Variants in MACROD2 observed in about 807,000 individuals in gnomAD.
MACROD2 encodes ADP-ribose glycohydrolase MACROD2.
MACROD2 carries 36 observed loss-of-function variants against 70.4 expected under a neutral mutation model. The observed-to-expected ratio is 0.51, with a 90% confidence interval of 0.39 to 0.68. The LOEUF is 0.68. Ranked by LOEUF, MACROD2 falls within the 30% of genes least tolerant of loss-of-function variation. The pLI, the probability that MACROD2 is intolerant of heterozygous loss-of-function variation, is 0.00. For synonymous variants in MACROD2, 172 were observed against 178.8 expected (o/e 0.96, Z 0.30); for missense variants, 496 against 538.4 (o/e 0.92, Z 0.78).
intron 8 of MACROD2, among the ~76,000 whole-genome samples, chr20:15,615,188 G>A (rs1426027855): frequency 1.3e-5 from 2 of 152,144 alleles, no homozygotes; most frequent in East Asian, 3.9e-4. Context: ...TCAGAATATC[G>A]AAATGCAGAC....
intron 4 of MACROD2, among the ~76,000 whole-genome samples, chr20:14,552,204 CA>C (rs1568666562): frequency 6.8e-6 from 1 of 147,600 alleles, no homozygotes; most frequent in African/African-American, 2.5e-5. Flanking sequence ...TAGATTTTCT[CA>C]AAAATGACTC....
chr20:15,828,437 A>T (rs1366485372), intron 8 of MACROD2, among the ~76,000 whole-genome samples: 2 of 152,162 alleles, frequency 1.3e-5, no homozygotes, highest in Admixed American at 1.3e-4. Context: ...CCTCAAAATG[A>T]TCAGATTCTA....
intron 7 of MACROD2, among the ~76,000 whole-genome samples, chr20:15,498,475 A>ATT (rs2047326106): frequency 1.3e-5 from 2 of 152,296 alleles, no homozygotes; most frequent in South Asian, 4.1e-4. Flanking sequence ...CCGTATAAGG[A>ATT]AAAAAAGAGG....
At position 15,491,792 on chromosome 20, in the gene MACROD2, C is replaced by A. The variant is rs117895460; in HGVS notation, c.572-7982C>A. ...GCCCTTGGGTAAAAGGGGCTGGCAC[C>A]AGAAGGAGCCCTCAGGTAAAAGGTT... On this transcript the variant is annotated intron_variant, in intron 7 of 17. Coordinates refer to ENST00000684519, the MANE Select transcript of MACROD2 (RefSeq NM_001351661.2). Among the ~76,000 whole-genome samples, 574 of 151,954 alleles carry A rather than the reference C, an allele frequency of 3.8e-3. 11 individuals are homozygous for A. The South Asian group carries it at 0.049, about 13-fold the overall frequency.
At chr20:14,977,841 T>C (rs1181361385) in intron 5 of MACROD2, among the ~76,000 whole-genome samples, 2 of 152,186 alleles carry the variant, frequency 1.3e-5, no homozygotes, top group Non-Finnish European at 2.9e-5. Flanking sequence ...ATTCTTCTTA[T>C]GGCTTGGTGT....
intron 7 of MACROD2, among the ~76,000 whole-genome samples, chr20:15,454,531 ATGCAGGTCTTCTCTC>A (rs2046694272): frequency 6.6e-6 from 1 of 152,176 alleles, no homozygotes; most frequent in Admixed American, 6.6e-5. Flanking sequence ...TTGAATCGAT[ATGCAGGTCTTCTCTC>A]TGTTTAGGTC....
rs752086141 is a variant in MACROD2, at chr20:15,777,637, C to CCT, written c.646-85091_646-85090dup. Among the ~76,000 whole-genome samples, 37 of 90,052 alleles carry CCT rather than the reference C, an allele frequency of 4.1e-4. 1 individual carries two copies. Among genetic ancestry groups the CCT allele is most frequent in the Middle Eastern group, 5.1e-3 (1 of 198 alleles). 59.1% of individuals were successfully genotyped at this position (90,052 alleles called of 152,430 possible). ...TCTCTCCCTCCCTCCCTCCTTCCTT[C>CCT]CTCTCTCTCTCTCTCTCTTTCTTTC... On this transcript the variant is annotated intron_variant, in intron 8 of 17. Transcript: ENST00000684519.
chr20:15,855,054 A>G (rs1402325497), intron 8 of MACROD2, among the ~76,000 whole-genome samples: 3 of 152,196 alleles, frequency 2.0e-5, no homozygotes, highest in Non-Finnish European at 4.4e-5. Context: ...CAGCATTTGC[A>G]TCACACCAGA....
chr20:14,387,655 T>C (rs2083483110), intron 3 of MACROD2, among the ~76,000 whole-genome samples: 1 of 152,240 alleles, frequency 6.6e-6, no homozygotes, highest in Non-Finnish European at 1.5e-5. Context: ...TTGTCCACTC[T>C]AGCACCAACA....
At chr20:14,007,196 A>G (rs1474634340) in intron 2 of MACROD2, among the ~76,000 whole-genome samples, 1 of 145,922 alleles carries the variant, frequency 6.9e-6, no homozygotes, top group Non-Finnish European at 1.5e-5. Flanking sequence ...ATAAAGAGGA[A>G]CTTTCTGTTA....
chr20:15,993,131 C>T lies in MACROD2; in HGVS notation c.1153+5973C>T, dbSNP rs541514725. Among the ~76,000 whole-genome samples the T allele has an allele frequency of 2.0e-5, 3 of 152,022 alleles. No homozygotes were observed. The East Asian group carries it at 5.8e-4, about 29-fold the overall frequency. On this transcript the variant is annotated intron_variant, in intron 15 of 17. Coordinates refer to ENST00000684519, the MANE Select transcript of MACROD2 (RefSeq NM_001351661.2). The stretch of plus-strand genomic sequence containing the variant: ...TTCAGAAAGATAAAATTATGGCTGT[C>T]ATACAACTATAAAATCAATACAAGT...
intron 4 of MACROD2, among the ~76,000 whole-genome samples, chr20:14,531,839 A>G (rs556095118): frequency 6.6e-6 from 1 of 152,156 alleles, no homozygotes; most frequent in African/African-American, 2.4e-5. Context: ...GGGAAGGTTG[A>G]GGAGCTTCCT....
chr20:15,132,315 T>G (rs1422058568), intron 5 of MACROD2, among the ~76,000 whole-genome samples: 1 of 151,918 alleles, frequency 6.6e-6, no homozygotes. Context: ...ATTAAAAGAT[T>G]ACGTAGAAAA....
chr20:14,237,793 G>A (rs966730246), intron 3 of MACROD2, among the ~76,000 whole-genome samples: 2 of 151,356 alleles, frequency 1.3e-5, no homozygotes, highest in Non-Finnish European at 2.9e-5. Context: ...AACGTGCGGT[G>A]TTTGGTTTTT....
chr20:15,279,932 C>G (rs1378831973), intron 6 of MACROD2, among the ~76,000 whole-genome samples: 1 of 152,122 alleles, frequency 6.6e-6, no homozygotes, highest in Non-Finnish European at 1.5e-5. Context: ...ATTCACAAAC[C>G]TTGAGGTCAA....
intron 7 of MACROD2, among the ~76,000 whole-genome samples, chr20:15,479,213 T>A (rs2047061435): frequency 6.6e-6 from 1 of 151,192 alleles, no homozygotes; most frequent in Admixed American, 6.6e-5. Flanking sequence ...GCTAGGTATC[T>A]AATCTAACCT....
intron 5 of MACROD2, among the ~76,000 whole-genome samples, chr20:14,707,404 G>T (rs1023674765): frequency 6.6e-6 from 1 of 152,006 alleles, no homozygotes; most frequent in African/African-American, 2.4e-5. Flanking sequence ...GAAGAGCCTC[G>T]GTTTTCTTTC....
At chr20:15,765,173 A>T (rs2051502718) in intron 8 of MACROD2, among the ~76,000 whole-genome samples, 1 of 152,124 alleles carries the variant, frequency 6.6e-6, no homozygotes, top group African/African-American at 2.4e-5. Context: ...TTGCAGTGCA[A>T]CCTGCTATCC....
At chr20:14,100,407 C>A (rs563873309) in intron 3 of MACROD2, among the ~76,000 whole-genome samples, 1 of 150,224 alleles carries the variant, frequency 6.7e-6, no homozygotes, top group African/African-American at 2.4e-5. Context: ...AAATAAGATT[C>A]GTCTAATTTC....
Sources: gnomAD v4.1 joint callset for allele counts (sites outside exome capture counted in the v4.1 genomes callset) on GRCh38, gnomAD v4.1.1 for gene constraint, MANE v1.5 for transcripts, NCBI Gene and HGNC (gene_info 2026-07-23, HGNC 2026-07-21) for gene names.